PCYOX1L: variants seen among roughly 807,000 people sequenced by gnomAD.
The protein encoded by PCYOX1L is prenylcysteine oxidase 1-like.
A neutral mutation model predicts 44.1 loss-of-function variants in PCYOX1L; 40 were observed. The ratio of observed to expected loss-of-function variants is 0.91; its 90% CI spans 0.70 to 1.18. The LOEUF (loss-of-function observed/expected upper bound fraction) is 1.18, where lower values mean the gene tolerates loss of function less well. Ranked by LOEUF, PCYOX1L falls within the 50% of genes most tolerant of loss-of-function variation. The probability of loss-of-function intolerance (pLI) is 0.00; values close to 1 mark genes in which losing one functional copy is unlikely to be tolerated. For synonymous variants in PCYOX1L, 266 were observed against 282.8 expected, an observed-to-expected ratio of 0.94 and a Z score of 0.60; for missense variants, 605 against 653.3, an observed-to-expected ratio of 0.93 and a Z score of 0.81.
At chr5:149,367,836 A>G (rs558656571) in intron 5 of PCYOX1L, among the ~76,000 whole-genome samples, 157 bp from the exon 6 acceptor site, 2 of 152,304 alleles carry the variant, frequency 1.3e-5, no homozygotes, top group East Asian at 1.9e-4. Context: ...CTTCTTCTGC[A>G]GCCGCATCAG....
chr5:149,366,304 T>C (rs1581372566), intron 4 of PCYOX1L, 151 bp downstream of exon 4: 1 of 774,606 alleles, frequency 1.3e-6, no homozygotes, highest in South Asian at 1.8e-5. Context: ...ATTCTGGGAC[T>C]GGCCATGAGT....
chr5:149,367,775 C>CCAGCGG (rs1254727590), intron 5 of PCYOX1L, among the ~76,000 whole-genome samples: 3 of 152,210 alleles, frequency 2.0e-5, no homozygotes, highest in Admixed American at 2.0e-4. Context: ...CCCCAACTGG[C>CCAGCGG]CAGCGGCGGA....
intron 1 of PCYOX1L, 170 bp from the exon 2 acceptor site, chr5:149,362,467 A>C: frequency 1.5e-6 from 1 of 660,668 alleles, no homozygotes; most frequent in South Asian, 1.9e-5. Flanking sequence ...TTTGCTTATT[A>C]ATAGCTCTAC....
chr5:149,365,237 C>T (rs1758158981), intron 3 of PCYOX1L: 1 of 152,336 alleles, frequency 6.6e-6, no homozygotes, highest in Non-Finnish European at 1.5e-5. Context: ...TGACTTCTCC[C>T]TCTCAGCCCT....
chr5:149,364,939 C>T (rs1758150294), intron 3 of PCYOX1L: 1 of 152,558 alleles, frequency 6.6e-6, no homozygotes, highest in African/African-American at 2.4e-5. Context: ...CAAAGTCCCT[C>T]CTGAAGGTGC....
chr5:149,364,292 T>C lies in PCYOX1L; in HGVS notation c.470+82T>C, dbSNP rs571901644. 25 of 1,529,338 alleles carry C rather than the reference T, an allele frequency of 1.6e-5. No homozygotes were observed. The African/African-American group carries it at 3.0e-4, about 19-fold the overall frequency. The allele number at this position is 1,529,338 out of a possible 1,614,324, so 94.7% of individuals were successfully genotyped here. A position where few individuals can be genotyped will look rare whatever the true frequency, so the allele number is the denominator to read the frequency against. ...GAGGAACCAGCTTGCCTGTACTTTG[T>C]GAAAAAGGAAAAGGTCCTTGCTGAA... On this transcript the variant is annotated intron_variant, in intron 3 of 5. Coordinates refer to ENST00000274569, the MANE Select transcript of PCYOX1L (RefSeq NM_024028.4).
rs897267124 is a variant in PCYOX1L at position 149,369,186 on chromosome 5, G to A, written c.*532G>A. Reference sequence around the variant, plus strand: ...TGATGGATTTGAAGTACCTAGTTCAGAACTCCCTAGTCACCATCTCCAAGC... The same window carrying A: ...TGATGGATTTGAAGTACCTAGTTCAAAACTCCCTAGTCACCATCTCCAAGC... On this transcript the variant is annotated 3_prime_UTR_variant, in exon 6 of 6. Coordinates refer to ENST00000274569, the MANE Select transcript of PCYOX1L (RefSeq NM_024028.4). 1 of 152,232 alleles carries A rather than the reference G, an allele frequency of 6.6e-6. No homozygotes were observed. The highest frequency in any genetic ancestry group is 2.4e-5 in the African/African-American group (1 of 41,444). The allele number at this position is 152,232 out of a possible 1,614,324, so 9.4% of individuals were successfully genotyped here.
intron 5 of PCYOX1L, 132 bp downstream of exon 5, chr5:149,367,632 C>T (rs1758260086): frequency 2.3e-6 from 3 of 1,287,954 alleles, no homozygotes; most frequent in Non-Finnish European, 3.1e-6. Flanking sequence ...TTGAGAAGCC[C>T]CAACCCTGCC....
At position 149,365,986 on chromosome 5, in the gene PCYOX1L, A is replaced by C; in HGVS notation, c.515A>C (p.Glu172Ala). The C allele has an allele frequency of 6.2e-7, 1 of 1,614,198 alleles. No homozygotes were observed. Among genetic ancestry groups the C allele is most frequent in the South Asian group, 1.1e-5 (1 of 91,082 alleles). Residue 172 changes from glutamate (E) to alanine (A), a missense_variant, in exon 4 of 6, where the codon GAG becomes GCG. Coordinates refer to ENST00000274569, the MANE Select transcript of PCYOX1L (RefSeq NM_024028.4). ...CACGGCTATGCCTTCTCGGGTGTGGAGGAGCTGCTCTACTCACTGGGGGAG... is the reference window on the plus strand; with the variant it reads ...CACGGCTATGCCTTCTCGGGTGTGGCGGAGCTGCTCTACTCACTGGGGGAG... The part of the protein sequence containing the change: ...QAHGYAFSGV[E>A]ELLYSLGEST...
Position 149,368,330 on chromosome 5 carries a change from G to A in PCYOX1L, c.1161G>A (p.Gln387=), listed in dbSNP as rs1229499006. 1.2e-6 allele frequency: 2 copies of A among 1,614,172 alleles called. No individual in the cohort carries two copies. Among genetic ancestry groups the A allele is most frequent in the South Asian group, 2.2e-5 (2 of 91,080 alleles). ...TCTCTGCCAGCTTCCGGCGAAAGCAGCCCCAGGAGGCAGCTGTTTGGCGAG... is the reference window on the plus strand; with the variant it reads ...TCTCTGCCAGCTTCCGGCGAAAGCAACCCCAGGAGGCAGCTGTTTGGCGAG... ...VNISASFRRK[Q]PQEAAVWRVQ... is the part of the protein sequence containing the mutation. The change falls in exon 6 of 6, where the codon CAG becomes CAA. Residue 387 remains glutamine (Q), a synonymous_variant. Coordinates refer to ENST00000274569, the MANE Select transcript of PCYOX1L (RefSeq NM_024028.4).
chr5:149,368,587 G>A lies in PCYOX1L; in HGVS notation c.1418G>A (p.Arg473His), dbSNP rs762430105. The A allele has an allele frequency of 1.6e-5, 25 of 1,571,940 alleles. No homozygotes were observed. The highest frequency in any genetic ancestry group is 2.2e-5 in the East Asian group (1 of 44,750). ...AATGTGGCCTTGCTGGCTTACAACCGCTGGTACCAGGACCTAGACAAGATT... is the reference window on the plus strand; with the variant it reads ...AATGTGGCCTTGCTGGCTTACAACCACTGGTACCAGGACCTAGACAAGATT... ...AKNVALLAYNRWYQDLDKIDQ... is the reference protein window; with the variant it reads ...AKNVALLAYNHWYQDLDKIDQ... Residue 473 changes from arginine (R) to histidine (H), a missense_variant, in exon 6 of 6, where the codon CGC (arginine) becomes CAC (histidine). Coordinates refer to ENST00000274569, the MANE Select transcript of PCYOX1L (RefSeq NM_024028.4).
intron 1 of PCYOX1L, among the ~76,000 whole-genome samples, chr5:149,360,449 C>A (rs1757974797): frequency 6.6e-6 from 1 of 152,160 alleles, no homozygotes. Context: ...TTGGAAGTGG[C>A]TTTGTAAGTA....
At chr5:149,363,780 A>T (rs1407137853) in intron 2 of PCYOX1L, 1 of 469,726 alleles carries the variant, frequency 2.1e-6, no homozygotes, top group East Asian at 3.9e-5. Context: ...ACATTCTGGG[A>T]TAAAATCTGA....
Position 149,369,268 on chromosome 5 carries a change from T to C in PCYOX1L, c.*614T>C, listed in dbSNP as rs1014127133. The stretch of plus-strand genomic sequence containing the variant: ...ACTGTGGTAGGACCCAAGGAAGAGA[T>C]GTGTGCCTGAATAGTCGTCACCATA... On this transcript the variant is annotated 3_prime_UTR_variant, in exon 6 of 6. Coordinates refer to ENST00000274569, the MANE Select transcript of PCYOX1L (RefSeq NM_024028.4). 1 of 152,192 alleles carries C rather than the reference T, an allele frequency of 6.6e-6. No individual in the cohort carries two copies. Among genetic ancestry groups the C allele is most frequent in the African/African-American group, 2.4e-5 (1 of 41,422 alleles). The allele number at this position is 152,192 out of a possible 1,614,324, so 9.4% of individuals were successfully genotyped here. A position where few individuals can be genotyped will look rare whatever the true frequency, so the allele number is the denominator to read the frequency against.
rs373940663 is a variant in PCYOX1L at position 149,362,670 on chromosome 5, T to C, written c.122T>C (p.Val41Ala). The C allele has an allele frequency of 6.2e-7, 1 of 1,614,206 alleles. No homozygotes were observed. Among genetic ancestry groups the C allele is most frequent in the Non-Finnish European group, 8.5e-7 (1 of 1,180,036 alleles). The change falls in exon 2 of 6, where the codon GTG (valine) becomes GCG (alanine). Residue 41 changes from valine to alanine, a missense_variant. Coordinates refer to ENST00000274569, the MANE Select transcript of PCYOX1L (RefSeq NM_024028.4). ...VVGAGIGGSA[V>A]AHFLQQHFGP... ...GGGGCTGGGATTGGGGGCTCTGCTG[T>C]GGCCCATTTTCTCCAGCAGCACTTT...
chr5:149,366,219 G>A (rs931113851), intron 4 of PCYOX1L, 66 bp downstream of exon 4: 9 of 1,536,230 alleles, frequency 5.9e-6, no homozygotes, highest in Non-Finnish European at 8.0e-6. Flanking sequence ...GAATGGGCTG[G>A]GGGTCCCCAT....
At chr5:149,358,380 G>A (rs1009140507) in intron 1 of PCYOX1L, among the ~76,000 whole-genome samples, 2 of 152,230 alleles carry the variant, frequency 1.3e-5, no homozygotes, top group Non-Finnish European at 2.9e-5. Flanking sequence ...AAAGAGGCCT[G>A]GGCAGGACTG....
chr5:149,364,174 A>G lies in PCYOX1L; in HGVS notation c.434A>G (p.Gln145Arg). 2 of 1,614,102 alleles carry G rather than the reference A, an allele frequency of 1.2e-6. No individual in the cohort carries two copies. The highest frequency in any genetic ancestry group is 1.7e-6 in the Non-Finnish European group (2 of 1,180,026). ...WHYGISFLRL[Q>R]MWVEEVMEKF... The stretch of plus-strand genomic sequence containing the variant: ...TATGGCATCAGCTTCCTGAGGCTGC[A>G]GATGTGGGTGGAGGAGGTCATGGAG... The change falls in exon 3 of 6, where the codon CAG becomes CGG. Residue 145 changes from glutamine (Q) to arginine (R), a missense_variant. Coordinates refer to ENST00000274569, the MANE Select transcript of PCYOX1L (RefSeq NM_024028.4).
chr5:149,361,676 T>G (rs1758013134), intron 1 of PCYOX1L, among the ~76,000 whole-genome samples: 1 of 152,224 alleles, frequency 6.6e-6, no homozygotes, highest in African/African-American at 2.4e-5. Flanking sequence ...TTTCCCAGGC[T>G]GGAGTGCAAT....
Sources: gnomAD v4.1 joint callset for allele counts (sites outside exome capture counted in the v4.1 genomes callset) on GRCh38, gnomAD v4.1.1 for gene constraint, MANE v1.5 for transcripts, NCBI Gene and HGNC (gene_info 2026-07-23, HGNC 2026-07-21) for gene names.